The following OPHN1 variants were observed in gnomAD, a reference collection of about 807,000 sequenced individuals.
OPHN1 encodes the protein oligophrenin 1.
OPHN1 carries 11 observed loss-of-function variants against 60.7 expected under a neutral mutation model. That is an observed-to-expected ratio of 0.18 (90% CI 0.11 to 0.30). The LOEUF (loss-of-function observed/expected upper bound fraction) is 0.30. Ranked by LOEUF, OPHN1 falls within the 10% of genes least tolerant of loss-of-function variation. The probability of loss-of-function intolerance (pLI) is 1.00; values close to 1 mark genes in which losing one functional copy is unlikely to be tolerated. For synonymous variants in OPHN1, 226 were observed against 222.6 expected (o/e 1.02, Z -0.14); for missense variants, 449 against 611.0 (o/e 0.73, Z 2.80).
intron 2 of OPHN1, among the ~76,000 whole-genome samples, chrX:68,381,711 T>A (rs1047675076): frequency 2.7e-5 from 3 of 111,622 alleles, no homozygotes; most frequent in Non-Finnish European, 5.6e-5. Flanking sequence ...CTGTGGCATG[T>A]GTATGGCATC....
chrX:68,071,917 G>A (rs2076936303), intron 20 of OPHN1: 2 of 272,306 alleles, frequency 7.3e-6, no homozygotes, highest in Non-Finnish European at 1.3e-5. Flanking sequence ...CAAGGAAGAA[G>A]GCAAGCAATG....
At chrX:68,406,071 C>G (rs1338951932) in intron 2 of OPHN1, among the ~76,000 whole-genome samples, 1 of 108,204 alleles carries the variant, frequency 9.2e-6, no homozygotes, top group African/African-American at 3.4e-5. Flanking sequence ...TCGCGTGAAC[C>G]CAGGAGGCAG....
intron 2 of OPHN1, among the ~76,000 whole-genome samples, chrX:68,314,081 C>T (rs1602317296): frequency 9.0e-6 from 1 of 111,724 alleles, no homozygotes; most frequent in East Asian, 2.8e-4. Context: ...TAAGAGAATA[C>T]TATAAACAAT....
At chrX:68,250,040 T>A (rs1188341289) in intron 5 of OPHN1, among the ~76,000 whole-genome samples, 1 of 112,254 alleles carries the variant, frequency 8.9e-6, no homozygotes, top group African/African-American at 3.2e-5. Flanking sequence ...AAAAAGGAGA[T>A]GGCACAGTTC....
intron 2 of OPHN1, among the ~76,000 whole-genome samples, chrX:68,334,676 A>G (rs1355766796): frequency 9.0e-6 from 1 of 111,649 alleles, no homozygotes; most frequent in Non-Finnish European, 1.9e-5. Context: ...TAAATAAAAT[A>G]ATAAATATGA....
At chrX:68,125,930 A>AATATATATATATATATAT (rs59058075) in intron 15 of OPHN1, among the ~76,000 whole-genome samples, 280 of 22,158 alleles carry the variant, frequency 0.013, 9 homozygotes, top group African/African-American at 0.017. Flanking sequence ...ACCACTGATC[A>AATATATATATATATATAT]ATATATATAT....
At chrX:68,354,507 C>T (rs1226505966) in intron 2 of OPHN1, among the ~76,000 whole-genome samples, 1 of 102,097 alleles carries the variant, frequency 9.8e-6, no homozygotes, top group African/African-American at 3.6e-5. Flanking sequence ...CCTGTAATCC[C>T]AGCACTTTGG....
intron 23 of OPHN1, among the ~76,000 whole-genome samples, chrX:68,051,968 C>T (rs2076853538): frequency 8.9e-6 from 1 of 111,987 alleles, no homozygotes; most frequent in African/African-American, 3.2e-5. Context: ...GGCAAAGAAA[C>T]ACAGACAGAC....
At chrX:68,161,999 T>C (rs1235710446) in intron 15 of OPHN1, among the ~76,000 whole-genome samples, 2 of 111,412 alleles carry the variant, frequency 1.8e-5, no homozygotes, top group African/African-American at 3.2e-5. Flanking sequence ...ACATCACTTA[T>C]ATAATGTTCA....
At chrX:68,380,981 A>G (rs1320163381) in intron 2 of OPHN1, among the ~76,000 whole-genome samples, 1 of 111,197 alleles carries the variant, frequency 9.0e-6, no homozygotes, top group African/African-American at 3.3e-5. Context: ...TTCAAAGTGT[A>G]TGTATCCAAA....
At chrX:68,076,921 T>C (rs1411856423) in intron 19 of OPHN1, among the ~76,000 whole-genome samples, 2 of 111,874 alleles carry the variant, frequency 1.8e-5, no homozygotes, top group African/African-American at 6.5e-5. Flanking sequence ...ATATACTGCA[T>C]TATTCCGTTT....
At chrX:68,369,797 T>A (rs1026542164) in intron 2 of OPHN1, among the ~76,000 whole-genome samples, 1 of 107,646 alleles carries the variant, frequency 9.3e-6, no homozygotes. Context: ...AAGACATGAA[T>A]CTAGACATCT....
chrX:68,209,560 T>C (rs974135837), intron 9 of OPHN1, among the ~76,000 whole-genome samples: 27 of 111,551 alleles, frequency 2.4e-4, no homozygotes, highest in African/African-American at 8.8e-4. Flanking sequence ...AGCAAGATCC[T>C]GTCTTAAAAA....
At chrX:68,121,380 C>T (rs1182649327) in intron 15 of OPHN1, among the ~76,000 whole-genome samples, 1 of 111,828 alleles carries the variant, frequency 8.9e-6, no homozygotes, top group African/African-American at 3.2e-5. Context: ...AATGTGTGCA[C>T]TTCAGAAAGA....
intron 6 of OPHN1, among the ~76,000 whole-genome samples, chrX:68,214,920 C>CT (rs1353393420): frequency 9.0e-6 from 1 of 111,707 alleles, no homozygotes; most frequent in African/African-American, 3.3e-5. Context: ...TCACTTGAAC[C>CT]TGGGAGGTGA....
chrX:68,102,710 C>G (rs1403614074), intron 18 of OPHN1, among the ~76,000 whole-genome samples: 5 of 111,833 alleles, frequency 4.5e-5, no homozygotes, highest in Admixed American at 2.8e-4. Flanking sequence ...ACTGATACCA[C>G]AGAAATATAA....
intron 12 of OPHN1, among the ~76,000 whole-genome samples, chrX:68,195,576 T>C (rs2077509605): frequency 1.8e-5 from 2 of 111,975 alleles, no homozygotes; most frequent in African/African-American, 3.2e-5. Context: ...TCTTTGACAG[T>C]TTAGGCAAAG....
At chrX:68,154,350 G>C (rs747561860) in intron 15 of OPHN1, among the ~76,000 whole-genome samples, 10 of 112,449 alleles carry the variant, frequency 8.9e-5, no homozygotes, top group Admixed American at 1.9e-4. Flanking sequence ...ACCTATTCAG[G>C]CATGGTGTTG....
Position 68,206,562 on chromosome X carries a change from C to T in OPHN1, c.933+11G>A, listed in dbSNP as rs1340491258. 1.7e-6 allele frequency: 2 copies of T among 1,189,825 alleles called. No individual in the cohort carries two copies. Among genetic ancestry groups the T allele is most frequent in the Admixed American group, 4.3e-5 (2 of 45,993 alleles). On this transcript the variant is annotated intron_variant, in intron 10 of 24. Transcript: ENST00000355520. ...TCCATTTCCAAAAATATGGTGCAAA[C>T]AAGAACTGACCTGCTTAGCACCTGG...
Sources: gnomAD v4.1 joint callset for allele counts (sites outside exome capture counted in the v4.1 genomes callset) on GRCh38, gnomAD v4.1.1 for gene constraint, MANE v1.5 for transcripts, NCBI Gene and HGNC (gene_info 2026-07-23, HGNC 2026-07-21) for gene names.